SLC12A8: variants seen among roughly 807,000 people sequenced by gnomAD.
SLC12A8 encodes cation-chloride cotransporter 9.
Under a neutral mutation model 75.6 loss-of-function variants are expected in SLC12A8, and 69 were observed. The ratio of observed to expected loss-of-function variants is 0.91; its 90% confidence interval spans 0.75 to 1.11. The LOEUF is 1.11. Among genes scored for constraint, SLC12A8 ranks in the 50% most tolerant of loss-of-function variants. The probability of loss-of-function intolerance (pLI) is 0.00; values close to 1 mark genes in which losing one functional copy is unlikely to be tolerated. For missense variants in SLC12A8, 877 were observed against 896.7 expected (o/e 0.98, Z 0.28); for synonymous variants, 365 against 372.8 (o/e 0.98, Z 0.24).
At position 125,133,460 on chromosome 3, in the gene SLC12A8, C is replaced by T. The variant is rs1420701896; in HGVS notation, c.736+2209G>A. ...TGACCAAAGCTCACTGTAGCCTTGA[C>T]CTCCCAGGATCAAGCAGTCCTCCTG... is the stretch of plus-strand genomic sequence containing the variant. On this transcript the variant is annotated intron_variant, in intron 6 of 13. Coordinates refer to ENST00000469902, the MANE Select transcript of SLC12A8 (RefSeq NM_024628.6). Among the ~76,000 whole-genome samples the T allele has an allele frequency of 7.2e-5, 11 of 151,964 alleles. No individual in the cohort carries two copies. The East Asian group carries it at 2.1e-3, about 29-fold the overall frequency.
chr3:125,121,546 T>C (rs1369957296), intron 6 of SLC12A8, among the ~76,000 whole-genome samples: 1 of 152,220 alleles, frequency 6.6e-6, no homozygotes, highest in African/African-American at 2.4e-5. Flanking sequence ...TTGTGAACAC[T>C]TTCAAACTGC....
chr3:125,123,003 T>C (rs1252776780), intron 6 of SLC12A8, among the ~76,000 whole-genome samples: 1 of 152,136 alleles, frequency 6.6e-6, no homozygotes, highest in East Asian at 1.9e-4. Context: ...ATCATTAAAA[T>C]TAAAAATGCA....
intron 5 of SLC12A8, among the ~76,000 whole-genome samples, chr3:125,163,981 T>C (rs192018353): frequency 1.7e-3 from 252 of 152,358 alleles, no homozygotes; most frequent in African/African-American, 5.4e-3. Flanking sequence ...AGCGTGTCTA[T>C]GGCCTCTGTT....
intron 5 of SLC12A8, 21 bp downstream of exon 5, chr3:125,177,722 A>T (rs1435476738): frequency 6.3e-7 from 1 of 1,591,976 alleles, no homozygotes; most frequent in South Asian, 1.1e-5. Flanking sequence ...AAGGCCACAT[A>T]CTGGACTCTG....
intron 6 of SLC12A8, among the ~76,000 whole-genome samples, chr3:125,123,934 C>T (rs983389230): frequency 6.6e-6 from 1 of 152,186 alleles, no homozygotes; most frequent in East Asian, 1.9e-4. Flanking sequence ...GAGAACACCA[C>T]AGCAATATAT....
intron 5 of SLC12A8, among the ~76,000 whole-genome samples, chr3:125,139,762 C>T (rs12629018): frequency 0.035 from 5,255 of 152,306 alleles, 258 homozygotes; most frequent in African/African-American, 0.11. Context: ...AGGTCCATGC[C>T]GCCTGCCATG....
chr3:125,199,046 G>A (rs933281163), intron 2 of SLC12A8, among the ~76,000 whole-genome samples: 7 of 152,080 alleles, frequency 4.6e-5, no homozygotes, highest in Non-Finnish European at 1.0e-4. Context: ...CCAAAGTGCT[G>A]GGATTATAGG....
chr3:125,151,221 A>C (rs1318481058), intron 5 of SLC12A8: 3 of 152,360 alleles, frequency 2.0e-5, no homozygotes, highest in Non-Finnish European at 1.5e-5. Context: ...TAATTGGAGA[A>C]GGTGGGCCAC....
At chr3:125,138,140 G>A (rs1488705469) in intron 5 of SLC12A8, among the ~76,000 whole-genome samples, 4 of 152,296 alleles carry the variant, frequency 2.6e-5, no homozygotes, top group Middle Eastern at 3.4e-3. Flanking sequence ...AGTGGCTCAC[G>A]CCTGTAATCC....
chr3:125,095,045 T>C, intron 10 of SLC12A8, among the ~76,000 whole-genome samples: 1 of 152,230 alleles, frequency 6.6e-6, no homozygotes, highest in East Asian at 1.9e-4. Flanking sequence ...TATTGGAGTA[T>C]TCCAACATTC....
intron 5 of SLC12A8, among the ~76,000 whole-genome samples, chr3:125,147,787 A>G (rs1933821736): frequency 6.6e-6 from 1 of 152,200 alleles, no homozygotes; most frequent in African/African-American, 2.4e-5. Context: ...TATGCAAAGT[A>G]TGGTCCCCAA....
At chr3:125,178,160 T>G (rs1934580990) in intron 4 of SLC12A8, among the ~76,000 whole-genome samples, 186 bp from the exon 5 acceptor site, 1 of 152,132 alleles carries the variant, frequency 6.6e-6, no homozygotes, top group Non-Finnish European at 1.5e-5. Flanking sequence ...CAGGCCCCAT[T>G]TCTACTTGTC....
At chr3:125,108,239 C>A in intron 9 of SLC12A8, 113 bp from the exon 10 acceptor site, 3 of 1,037,674 alleles carry the variant, frequency 2.9e-6, no homozygotes, top group Admixed American at 5.6e-5. Context: ...CACTTCTCCC[C>A]ATGTGATTAT....
intron 10 of SLC12A8, among the ~76,000 whole-genome samples, chr3:125,104,712 G>A (rs1224677305): frequency 2.0e-5 from 3 of 152,188 alleles, no homozygotes; most frequent in African/African-American, 7.2e-5. Context: ...TTTGCAGTTT[G>A]TTGTAATCAC....
intron 3 of SLC12A8, among the ~76,000 whole-genome samples, chr3:125,188,052 G>A (rs150729281): frequency 8.5e-5 from 13 of 152,240 alleles, no homozygotes; most frequent in African/African-American, 2.4e-4. Flanking sequence ...ATCTCATGTC[G>A]AAATGTGATC....
intron 10 of SLC12A8, among the ~76,000 whole-genome samples, chr3:125,095,019 C>T (rs1016419747): frequency 1.3e-5 from 2 of 152,296 alleles, no homozygotes; most frequent in South Asian, 4.2e-4. Context: ...CTCGCCTCCT[C>T]CTTCCAACCT....
At chr3:125,129,107 C>G (rs1226809234) in intron 6 of SLC12A8, among the ~76,000 whole-genome samples, 1 of 152,224 alleles carries the variant, frequency 6.6e-6, no homozygotes, top group Admixed American at 6.5e-5. Flanking sequence ...GTGTGGTCAA[C>G]CACAGGCCCA....
At chr3:125,112,399 C>T (rs1314819454) in intron 8 of SLC12A8, among the ~76,000 whole-genome samples, 2 of 152,124 alleles carry the variant, frequency 1.3e-5, no homozygotes, top group East Asian at 3.8e-4. Flanking sequence ...GATCTGATGG[C>T]ATTTTGTTAC....
intron 10 of SLC12A8, among the ~76,000 whole-genome samples, chr3:125,092,560 C>T (rs867397949): frequency 6.6e-6 from 1 of 152,080 alleles, no homozygotes; most frequent in Non-Finnish European, 1.5e-5. Flanking sequence ...GTGTGACCAC[C>T]GGGACTGCTA....
Sources: gnomAD v4.1 joint callset for allele counts (sites outside exome capture counted in the v4.1 genomes callset) on GRCh38, gnomAD v4.1.1 for gene constraint, MANE v1.5 for transcripts, NCBI Gene and HGNC (gene_info 2026-07-23, HGNC 2026-07-21) for gene names.